SRGAP2B: variants seen among roughly 807,000 people sequenced by gnomAD.
SRGAP2B encodes SLIT-ROBO Rho GTPase-activating protein 2B.
In SRGAP2B, 9 loss-of-function variants were observed where a neutral mutation model predicts 22.2. That is an observed-to-expected ratio of 0.41 (90% CI 0.24 to 0.71). The LOEUF (loss-of-function observed/expected upper bound fraction) is 0.71, where lower values mean the gene tolerates loss of function less well. Ranked by LOEUF, SRGAP2B falls within the 30% of genes least tolerant of loss-of-function variation. SRGAP2B has a pLI of 0.35. For missense variants in SRGAP2B, 114 were observed against 235.8 expected (o/e 0.48, Z 3.38); for synonymous variants, 36 against 87.4 (o/e 0.41, Z 3.28).
intron 2 of SRGAP2B, among the ~76,000 whole-genome samples, chr1:145,006,920 A>G (rs1223644512): frequency 1.3e-5 from 2 of 150,820 alleles, no homozygotes. Flanking sequence ...CGCATTCAGA[A>G]AAACTTGAAT....
intron 3 of SRGAP2B, among the ~76,000 whole-genome samples, chr1:144,989,002 T>C (rs1405637717): frequency 5.9e-5 from 3 of 50,446 alleles, no homozygotes; most frequent in Middle Eastern, 0.02. Flanking sequence ...CCCCCCACTT[T>C]TTTTTTTTTT....
intron 2 of SRGAP2B, among the ~76,000 whole-genome samples, chr1:144,998,654 G>C (rs1239725417): frequency 2.0e-5 from 3 of 150,624 alleles, no homozygotes; most frequent in Non-Finnish European, 4.4e-5. Flanking sequence ...GAATGAAGAA[G>C]GAAAAAGAAG....
intron 3 of SRGAP2B, among the ~76,000 whole-genome samples, chr1:144,969,974 A>G (rs373773449): frequency 2.0e-5 from 3 of 150,600 alleles, no homozygotes; most frequent in Non-Finnish European, 4.4e-5. Context: ...TTAGAATGGC[A>G]ATCATTAAAA....
At chr1:144,995,299 C>T (rs6692593) in intron 2 of SRGAP2B, 99 bp from the exon 3 acceptor site, 5 of 410,518 alleles carry the variant, frequency 1.2e-5, no homozygotes, top group Non-Finnish European at 2.0e-5. Flanking sequence ...ATTCCCCGTG[C>T]CCTGGGAAAT....
intron 4 of SRGAP2B, among the ~76,000 whole-genome samples, chr1:144,929,181 GA>G (rs1319285994): frequency 6.9e-6 from 1 of 144,532 alleles, no homozygotes; most frequent in African/African-American, 2.7e-5. Context: ...TGAGTTGTAA[GA>G]ATTCTTTATA....
intron 8 of SRGAP2B, among the ~76,000 whole-genome samples, chr1:144,893,989 T>G (rs1476123153): frequency 6.9e-6 from 1 of 144,350 alleles, no homozygotes; most frequent in African/African-American, 2.8e-5. Context: ...CATGAGAGCT[T>G]TGATTCAATG....
At chr1:144,991,577 C>T (rs1372927920) in intron 3 of SRGAP2B, among the ~76,000 whole-genome samples, 2 of 148,440 alleles carry the variant, frequency 1.3e-5, no homozygotes, top group East Asian at 2.0e-4. Context: ...TGTGGAGAAC[C>T]TTTATGTCTA....
chr1:144,973,363 T>TCA (rs1668666414), intron 3 of SRGAP2B, among the ~76,000 whole-genome samples: 1 of 139,040 alleles, frequency 7.2e-6, no homozygotes, highest in Non-Finnish European at 1.5e-5. Flanking sequence ...TTTTTTTCTT[T>TCA]CAGTTACCAT....
chr1:144,967,555 G>C, intron 3 of SRGAP2B, among the ~76,000 whole-genome samples: 1 of 148,308 alleles, frequency 6.7e-6, no homozygotes, highest in Non-Finnish European at 1.5e-5. Context: ...ATCCAAAATT[G>C]ACACCCTAAC....
intron 5 of SRGAP2B, among the ~76,000 whole-genome samples, chr1:144,906,647 A>AAGC (rs1394047782): frequency 1.4e-5 from 2 of 147,940 alleles, no homozygotes; most frequent in Admixed American, 6.7e-5. Context: ...ACAGCAACTA[A>AAGC]AGCAGCAGCA....
rs770906187 is a variant in SRGAP2B, at chr1:145,058,094, A to G, written c.67+34741T>C. On this transcript the variant is annotated intron_variant, in intron 2 of 9. Transcript: ENST00000612199. Reference sequence around the variant, plus strand: ...TTCAGCAGCCCTATGGGAAACGCATAGGCTTTAGAGGCAGACTTTGGGATC... The same window carrying G: ...TTCAGCAGCCCTATGGGAAACGCATGGGCTTTAGAGGCAGACTTTGGGATC... 1.5e-4 allele frequency among the ~76,000 whole-genome samples: 23 copies of G among 149,650 alleles called. 1 individual carries two copies. Among genetic ancestry groups the G allele is most frequent in the Non-Finnish European group, 3.0e-4 (20 of 67,710 alleles).
intron 4 of SRGAP2B, among the ~76,000 whole-genome samples, chr1:144,940,800 A>C (rs1227248803): frequency 1.5e-5 from 2 of 129,924 alleles, no homozygotes; most frequent in Non-Finnish European, 3.2e-5. Flanking sequence ...CTCCATCTCC[A>C]AAAAAAAAAA....
intron 2 of SRGAP2B, among the ~76,000 whole-genome samples, chr1:145,007,157 G>A (rs1343878784): frequency 6.6e-6 from 1 of 150,530 alleles, no homozygotes; most frequent in Non-Finnish European, 1.5e-5. Context: ...CACAACGAGG[G>A]ACCACTGAGG....
intron 3 of SRGAP2B, among the ~76,000 whole-genome samples, chr1:144,965,584 TCTC>T (rs1668021663): frequency 7.2e-6 from 1 of 138,230 alleles, no homozygotes; most frequent in South Asian, 2.3e-4. Flanking sequence ...GCAGAGCGCC[TCTC>T]CTCCTCCAAA....
intron 2 of SRGAP2B, among the ~76,000 whole-genome samples, chr1:145,081,656 C>T (rs1338242035): frequency 7.4e-5 from 11 of 149,056 alleles, no homozygotes; most frequent in South Asian, 2.1e-4. Context: ...GTATCTCCAC[C>T]GCCTACCAAA....
intron 2 of SRGAP2B, among the ~76,000 whole-genome samples, chr1:145,076,098 A>C (rs587625449): frequency 1.3e-5 from 2 of 150,634 alleles, no homozygotes; most frequent in East Asian, 3.9e-4. Flanking sequence ...GATCAGTCCA[A>C]AGGGAGAGAA....
At chr1:144,908,292 A>T (rs1553351222) in intron 5 of SRGAP2B, among the ~76,000 whole-genome samples, 1 of 150,504 alleles carries the variant, frequency 6.6e-6, no homozygotes, top group Non-Finnish European at 1.5e-5. Context: ...GATAAAAAAG[A>T]GGTCAAAGAA....
intron 2 of SRGAP2B, among the ~76,000 whole-genome samples, chr1:145,044,834 G>A (rs1238222996): frequency 6.7e-6 from 1 of 148,578 alleles, no homozygotes; most frequent in Non-Finnish European, 1.5e-5. Flanking sequence ...GGGATATAGG[G>A]AGGTGCCAAG....
chr1:145,009,493 C>G (rs1671881942), intron 2 of SRGAP2B, among the ~76,000 whole-genome samples: 1 of 145,312 alleles, frequency 6.9e-6, no homozygotes. Context: ...GAGGCTGAGG[C>G]AGGAGAATGG....
Sources: allele counts gnomAD v4.1 joint callset (sites outside exome capture counted in the v4.1 genomes callset), GRCh38; gene constraint gnomAD v4.1.1; transcripts MANE v1.5; gene names NCBI Gene and HGNC (gene_info 2026-07-23, HGNC 2026-07-21).